Variants in TTC23 observed in about 807,000 individuals in gnomAD.
TTC23 encodes the protein tetratricopeptide repeat domain 23.
TTC23 carries 58 observed loss-of-function variants against 55.1 expected under a neutral mutation model. That is an observed-to-expected ratio of 1.05 (90% confidence interval 0.85 to 1.31). The LOEUF (loss-of-function observed/expected upper bound fraction) is 1.31, where lower values mean the gene tolerates loss of function less well. Ranked by LOEUF, TTC23 falls within the 50% of genes most tolerant of loss-of-function variation. The probability of loss-of-function intolerance (pLI) is 0.00; values close to 1 mark genes in which losing one functional copy is unlikely to be tolerated. For synonymous variants in TTC23, 203 were observed against 199.9 expected, an observed-to-expected ratio of 1.02 and a Z score of -0.13; for missense variants, 516 against 534.4, an observed-to-expected ratio of 0.97 and a Z score of 0.34.
chr15:99,222,983 C>T (rs887031626), intron 5 of TTC23, among the ~76,000 whole-genome samples: 8 of 152,162 alleles, frequency 5.3e-5, no homozygotes, highest in Middle Eastern at 3.2e-3. Flanking sequence ...GGCGACACAG[C>T]GAGACTCCGT....
intron 10 of TTC23, among the ~76,000 whole-genome samples, chr15:99,165,366 T>C (rs1041765254): frequency 1.3e-5 from 2 of 152,236 alleles, no homozygotes; most frequent in African/African-American, 4.8e-5. Context: ...TAAGAAATGA[T>C]CTAATTACAT....
At position 99,205,841 on chromosome 15, in the gene TTC23, C is replaced by G. The variant is rs181098542; in HGVS notation, c.582-5745G>C. Among the ~76,000 whole-genome samples, 6 of 152,122 alleles carry G rather than the reference C, an allele frequency of 3.9e-5. No individual in the cohort carries two copies. In the East Asian group the frequency reaches 1.2e-3, roughly 29 times the overall value. ...ACTTCTTGGGCTAAAGCTTTCTGTA[C>G]TATGTTGAATAAAAATGGTAAAAGT... On this transcript the variant is annotated intron_variant, in intron 8 of 13. Transcript: ENST00000394132.
At chr15:99,215,550 G>C (rs1351380006) in intron 8 of TTC23, among the ~76,000 whole-genome samples, 1 of 152,086 alleles carries the variant, frequency 6.6e-6, no homozygotes, top group Non-Finnish European at 1.5e-5. Flanking sequence ...TTCAAGACCA[G>C]GCTGGGCAAC....
chr15:99,219,540 A>C (rs1470191840), intron 6 of TTC23, among the ~76,000 whole-genome samples: 1 of 152,164 alleles, frequency 6.6e-6, no homozygotes, highest in Non-Finnish European at 1.5e-5. Context: ...ATCTACAAAA[A>C]CTTACAAACA....
At chr15:99,175,207 C>T (rs1309439882) in intron 9 of TTC23, 52 bp from the exon 10 acceptor site, 6 of 1,469,478 alleles carry the variant, frequency 4.1e-6, no homozygotes, top group Non-Finnish European at 5.7e-6. Context: ...GCAGCAGCAG[C>T]AGGGAATTAA....
At chr15:99,201,386 C>T (rs2076185371) in intron 8 of TTC23, among the ~76,000 whole-genome samples, 1 of 152,092 alleles carries the variant, frequency 6.6e-6, no homozygotes, top group Non-Finnish European at 1.5e-5. Flanking sequence ...TTTATAATCC[C>T]TCCTATGTTG....
chr15:99,139,812 A>G, intron 12 of TTC23: 1 of 1,189,224 alleles, frequency 8.4e-7, no homozygotes, highest in Non-Finnish European at 1.1e-6. Context: ...ATTAATATAT[A>G]GGCTGTCTAT....
In TTC23 at chr15:99,138,097, C is replaced by T. The variant is rs782084812; in HGVS notation, c.1257G>A (p.Gln419=). The T allele has an allele frequency of 1.9e-6, 3 of 1,613,256 alleles. No individual in the cohort carries two copies. In the South Asian group the frequency reaches 3.3e-5, roughly 18 times the overall value. ...TAPKVASKPR[Q]ASKAKVAFCT... The stretch of plus-strand genomic sequence containing the variant: ...AGAAGGCCACTTTGGCTTTTGATGC[C>T]TGCCTTGGCTTCGAAGCAACCTTGG... The change falls in exon 14 of 14, where the codon CAG becomes CAA. Residue 419 remains glutamine, a synonymous_variant. Coordinates refer to ENST00000394132, the MANE Select transcript of TTC23 (RefSeq NM_001288615.3).
At chr15:99,176,129 G>A (rs2073520083) in intron 9 of TTC23, among the ~76,000 whole-genome samples, 1 of 152,182 alleles carries the variant, frequency 6.6e-6, no homozygotes, top group Non-Finnish European at 1.5e-5. Context: ...AGCATTTGGA[G>A]TTTTAAAATA....
intron 8 of TTC23, among the ~76,000 whole-genome samples, chr15:99,208,950 T>C (rs527962250): frequency 6.6e-6 from 1 of 152,344 alleles, no homozygotes; most frequent in African/African-American, 2.4e-5. Flanking sequence ...GTATCCACAA[T>C]GTACTTGGTA....
chr15:99,206,886 C>T (rs1469127434), intron 8 of TTC23, among the ~76,000 whole-genome samples: 2 of 151,936 alleles, frequency 1.3e-5, no homozygotes, highest in African/African-American at 2.4e-5. Context: ...CCTTATGACA[C>T]ATTGTTAGGC....
chr15:99,141,636 C>T (rs1300084567), intron 12 of TTC23, among the ~76,000 whole-genome samples: 1 of 152,158 alleles, frequency 6.6e-6, no homozygotes, highest in Non-Finnish European at 1.5e-5. Context: ...TGGGGACTTA[C>T]TACTGAAGCC....
intron 3 of TTC23, among the ~76,000 whole-genome samples, chr15:99,237,624 C>T (rs1025791149): frequency 2.6e-5 from 4 of 152,036 alleles, no homozygotes; most frequent in East Asian, 1.9e-4. Context: ...TCAGTGATTG[C>T]CCTGAATTGG....
chr15:99,142,322 C>T (rs897738887), intron 12 of TTC23, among the ~76,000 whole-genome samples: 3 of 152,270 alleles, frequency 2.0e-5, no homozygotes, highest in African/African-American at 7.2e-5. Context: ...TGAGAGGCCC[C>T]TCTCTCCAGG....
chr15:99,197,334 C>T (rs2075824447), intron 9 of TTC23, among the ~76,000 whole-genome samples: 1 of 151,998 alleles, frequency 6.6e-6, no homozygotes, highest in South Asian at 2.1e-4. Context: ...GATCTCCTGA[C>T]CTTGTGATCC....
chr15:99,187,029 A>G (rs933577273), intron 9 of TTC23, among the ~76,000 whole-genome samples: 45 of 152,146 alleles, frequency 3.0e-4, no homozygotes, highest in African/African-American at 1.1e-3. Flanking sequence ...AAGAAGAACA[A>G]AAGTTAGAGA....
At chr15:99,188,287 T>C (rs1165023962) in intron 9 of TTC23, among the ~76,000 whole-genome samples, 1 of 151,968 alleles carries the variant, frequency 6.6e-6, no homozygotes. Flanking sequence ...ATGTCTAGAA[T>C]AGAAAAATCC....
At chr15:99,209,717 G>T (rs1567491746) in intron 8 of TTC23, among the ~76,000 whole-genome samples, 1 of 152,118 alleles carries the variant, frequency 6.6e-6, no homozygotes, top group South Asian at 2.1e-4. Flanking sequence ...TTGGTAGCTA[G>T]TGTGGTTTTA....
intron 10 of TTC23, among the ~76,000 whole-genome samples, chr15:99,172,377 T>C (rs932203134): frequency 3.9e-5 from 6 of 152,162 alleles, no homozygotes; most frequent in Non-Finnish European, 8.8e-5. Flanking sequence ...GCTGAGATTC[T>C]CCGCATGCTC....
Sources: gnomAD v4.1 joint callset for allele counts (sites outside exome capture counted in the v4.1 genomes callset) on GRCh38, gnomAD v4.1.1 for gene constraint, MANE v1.5 for transcripts, NCBI Gene and HGNC (gene_info 2026-07-23, HGNC 2026-07-21) for gene names.